Variants in FARP1 observed in about 807,000 individuals in gnomAD.
FARP1 encodes FERM, ARHGEF and pleckstrin domain-containing protein 1.
In FARP1, 52 loss-of-function variants were observed where a neutral mutation model predicts 128.8. That is an observed-to-expected ratio of 0.40 (90% CI 0.32 to 0.51). FARP1 has a LOEUF of 0.51. Among genes scored for constraint, FARP1 ranks in the 20% least tolerant of loss-of-function variants. FARP1 has a pLI of 0.45. For missense variants in FARP1, 1,333 were observed against 1,367.9 expected (o/e 0.97, Z 0.40); for synonymous variants, 580 against 551.8 (o/e 1.05, Z -0.72).
intron 2 of FARP1, among the ~76,000 whole-genome samples, chr13:98,258,776 T>C (rs1387004188): frequency 6.6e-6 from 1 of 152,164 alleles, no homozygotes; most frequent in Non-Finnish European, 1.5e-5. Context: ...TTTCTTACCC[T>C]CTTGATGAGA....
chr13:98,437,533 T>C (rs908667330), intron 19 of FARP1, among the ~76,000 whole-genome samples: 1 of 151,130 alleles, frequency 6.6e-6, no homozygotes, highest in Non-Finnish European at 1.5e-5. Flanking sequence ...TTGCTGGGGA[T>C]TTTTACCGGG....
At position 98,327,298 on chromosome 13, in the gene FARP1, A is replaced by AT. The variant is rs562689890; in HGVS notation, c.172-16456dup. 1.8e-3 allele frequency among the ~76,000 whole-genome samples: 272 copies of AT among 152,048 alleles called. 3 individuals are homozygous for AT. Among genetic ancestry groups the AT allele is most frequent in the Non-Finnish European group, 3.1e-3 (210 of 67,990 alleles). On this transcript the variant is annotated intron_variant, in intron 2 of 26. Transcript: ENST00000319562. ...TAAATTTAGTTTATAATTTCACAGG[A>AT]TTTTTTTTAAAATGTGTCATCGAAA...
At chr13:98,294,307 CA>C (rs1335553429) in intron 2 of FARP1, among the ~76,000 whole-genome samples, 5 of 152,122 alleles carry the variant, frequency 3.3e-5, no homozygotes, top group African/African-American at 1.2e-4. Flanking sequence ...TATGGGATGC[CA>C]TGAAGGGTTC....
Position 98,176,365 on chromosome 13 carries a change from T to A in FARP1, c.-24+32873T>A, listed in dbSNP as rs1269774758. 3 of 1,614,114 alleles carry A rather than the reference T, an allele frequency of 1.9e-6. No individual in the cohort carries two copies. Among genetic ancestry groups the A allele is most frequent in the Non-Finnish European group, 2.5e-6 (3 of 1,180,044 alleles). On this transcript the variant is annotated intron_variant, in intron 1 of 26. Transcript: ENST00000319562. This position sits in a 1 kb window ranked among gnomAD's most constrained non-coding sequence, Gnocchi z 6.2. Reference sequence around the variant, plus strand: ...GCCGCCGGTTGGCTGGTCACAGATGTAGCAGCGCGGGGTGGCCCGGAAGTG... The same window carrying A: ...GCCGCCGGTTGGCTGGTCACAGATGAAGCAGCGCGGGGTGGCCCGGAAGTG...
At chr13:98,432,778 C>G (rs530517150) in intron 18 of FARP1, 12 of 121,280 alleles carry the variant, frequency 9.9e-5, no homozygotes, top group African/African-American at 3.9e-4. Context: ...CTGTACTGGG[C>G]GTGTGAGGGA....
At chr13:98,418,281 TG>T (rs1186922334) in intron 16 of FARP1, among the ~76,000 whole-genome samples, 9 of 142,964 alleles carry the variant, frequency 6.3e-5, no homozygotes, top group African/African-American at 2.7e-4. Context: ...TTTTGTTTTT[TG>T]TTTTTTTTTT....
chr13:98,331,963 A>G (rs1280571364), intron 2 of FARP1, among the ~76,000 whole-genome samples: 2 of 152,174 alleles, frequency 1.3e-5, no homozygotes, highest in African/African-American at 4.8e-5. Flanking sequence ...AATACTTTTT[A>G]TAGTGCTTGA....
rs186504942 is a variant in FARP1 at position 98,207,679 on chromosome 13, G to T, written c.-23-5541G>T. Among the ~76,000 whole-genome samples the T allele has an allele frequency of 6.0e-4, 91 of 152,100 alleles. 1 individual carries two copies. The highest frequency in any genetic ancestry group is 2.1e-3 in the African/African-American group (88 of 41,478). Reference sequence around the variant, plus strand: ...GAGCAAGTGCAGGGCAGAAGGGGTGGGGTGGGGGAGGGGCCACACCAAAGT... The same window carrying T: ...GAGCAAGTGCAGGGCAGAAGGGGTGTGGTGGGGGAGGGGCCACACCAAAGT... On this transcript the variant is annotated intron_variant, in intron 1 of 26. Coordinates refer to ENST00000319562, the MANE Select transcript of FARP1 (RefSeq NM_005766.4).
At chr13:98,323,356 A>C (rs1180746024) in intron 2 of FARP1, among the ~76,000 whole-genome samples, 1 of 150,760 alleles carries the variant, frequency 6.6e-6, no homozygotes, top group Non-Finnish European at 1.5e-5. Flanking sequence ...AATATGGTTC[A>C]AGTGGTCTCT....
At chr13:98,259,541 T>G (rs1407501238) in intron 2 of FARP1, among the ~76,000 whole-genome samples, 3 of 152,140 alleles carry the variant, frequency 2.0e-5, no homozygotes, top group Non-Finnish European at 4.4e-5. Flanking sequence ...GGACCAGTGT[T>G]TTGCCCCCCA....
rs562942824 is a variant in FARP1, at chr13:98,437,890, G to T, written c.2275-914G>T. The stretch of plus-strand genomic sequence containing the variant: ...ATGGAATTGGGGTACTCCTTCCTAA[G>T]CTCAGATGATCCCCTGATTCTTGGC... On this transcript the variant is annotated intron_variant, in intron 19 of 26. Coordinates refer to ENST00000319562, the MANE Select transcript of FARP1 (RefSeq NM_005766.4). The T allele has an allele frequency of 3.2e-5, 45 of 1,424,892 alleles. No homozygotes were observed. In the East Asian group the frequency reaches 9.5e-4, roughly 30 times the overall value. The allele number at this position is 1,424,892 out of a possible 1,614,324, so 88.3% of individuals were successfully genotyped here.
chr13:98,216,591 C>T (rs756419658), intron 2 of FARP1, among the ~76,000 whole-genome samples: 2 of 152,040 alleles, frequency 1.3e-5, no homozygotes, highest in African/African-American at 2.4e-5. Flanking sequence ...TTTTAAAATA[C>T]GGAATTATAG....
intron 18 of FARP1, chr13:98,431,546 C>T (rs1892026874): frequency 3.7e-6 from 1 of 272,666 alleles, no homozygotes; most frequent in Non-Finnish European, 7.0e-6. Context: ...ACTGCAACCT[C>T]CACCTCCCGG....
At chr13:98,406,401 A>C (rs1240338842) in intron 13 of FARP1, 1 of 152,180 alleles carries the variant, frequency 6.6e-6, no homozygotes, top group African/African-American at 2.4e-5. Flanking sequence ...CCTTCCTTAA[A>C]ATGCTGATAG....
intron 16 of FARP1, among the ~76,000 whole-genome samples, chr13:98,412,393 T>A (rs1413870483): frequency 6.6e-6 from 1 of 152,242 alleles, no homozygotes; most frequent in East Asian, 1.9e-4. Flanking sequence ...GGTGCTTGCT[T>A]TAAGTCTTTT....
At position 98,411,938 on chromosome 13, in the gene FARP1, C is replaced by G. The variant is rs780123613; in HGVS notation, c.1730C>G (p.Pro577Arg). ...ACAGTGAGCAAAGAGGACGCCATGCCGGAAGCACTGAAAAGTCTCATATTC... is the reference window on the plus strand; with the variant it reads ...ACAGTGAGCAAAGAGGACGCCATGCGGGAAGCACTGAAAAGTCTCATATTC... ...QSTVSKEDAM[P>R]EALKSLIFPN... The change falls in exon 16 of 27, where the codon CCG (proline) becomes CGG (arginine). Residue 577 changes from proline (P) to arginine (R), a missense_variant. Physicochemically the swap from Pro to Arg is moderately radical, Grantham distance 103. This residue lies in a region of FARP1 where 1,009 missense variants were observed against 969.8 expected (regional missense o/e 1.04). Coordinates refer to ENST00000319562, the MANE Select transcript of FARP1 (RefSeq NM_005766.4). 3 of 1,613,988 alleles carry G rather than the reference C, an allele frequency of 1.9e-6. No individual in the cohort carries two copies. In the East Asian group the frequency reaches 6.7e-5, roughly 36 times the overall value.
chr13:98,384,657 C>A, intron 6 of FARP1, 73 bp from the exon 7 acceptor site: 2 of 887,760 alleles, frequency 2.3e-6, no homozygotes, highest in Admixed American at 1.9e-5. Flanking sequence ...TTCTGTTTGG[C>A]TCACTGGGGA....
intron 5 of FARP1, among the ~76,000 whole-genome samples, chr13:98,372,372 G>A (rs376166514): frequency 6.6e-6 from 1 of 152,044 alleles, no homozygotes; most frequent in African/African-American, 2.4e-5. Context: ...GGCCTGAGTC[G>A]CTGCACCCTG....
rs114101953 is a variant in FARP1 at position 98,314,021 on chromosome 13, C to T, written c.172-29741C>T. On this transcript the variant is annotated intron_variant, in intron 2 of 26. Coordinates refer to ENST00000319562, the MANE Select transcript of FARP1 (RefSeq NM_005766.4). The stretch of plus-strand genomic sequence containing the variant: ...TGCCAAGGCTGCCCAAGCTACAGGT[C>T]CCTCTTGTGTAACACGGATTGAGCT... Among the ~76,000 whole-genome samples, 972 of 152,312 alleles carry T rather than the reference C, an allele frequency of 6.4e-3. 8 individuals are homozygous for T. The highest frequency in any genetic ancestry group is 0.023 in the African/African-American group (936 of 41,566).
Sources: allele counts gnomAD v4.1 joint callset (sites outside exome capture counted in the v4.1 genomes callset), GRCh38; gene constraint gnomAD v4.1.1; regional missense constraint gnomAD v4.1.1; non-coding constraint Gnocchi (gnomAD v3.1); transcripts MANE v1.5; gene names NCBI Gene and HGNC (gene_info 2026-07-23, HGNC 2026-07-21).